Variants in XYLT1 observed in about 807,000 individuals in gnomAD.
The protein encoded by XYLT1 is xylosyltransferase 1, also known as beta-D-xylosyltransferase 1.
A neutral mutation model predicts 91.3 loss-of-function variants in XYLT1; 36 were observed. The observed-to-expected ratio is 0.39, with a 90% CI of 0.30 to 0.52. The LOEUF (loss-of-function observed/expected upper bound fraction) is 0.52. Ranked by LOEUF, XYLT1 falls within the 20% of genes least tolerant of loss-of-function variation. XYLT1 has a pLI of 0.68. For missense variants in XYLT1, 1,242 were observed against 1,284.5 expected (o/e 0.97, Z 0.51); for synonymous variants, 588 against 532.0 (o/e 1.11, Z -1.45).
intron 1 of XYLT1, among the ~76,000 whole-genome samples, chr16:17,420,643 A>C (rs2036239326): frequency 6.6e-6 from 1 of 151,782 alleles, no homozygotes; most frequent in South Asian, 2.1e-4. Flanking sequence ...ATTCTTTGTG[A>C]AGTTTAGCAC....
rs74010718 is a variant in XYLT1 at position 17,158,930 on chromosome 16, G to A, written c.1290-21C>T. 496 of 1,610,686 alleles carry A rather than the reference G, an allele frequency of 3.1e-4. 5 individuals are homozygous for A. The African/African-American group carries it at 5.8e-3, about 19-fold the overall frequency. The stretch of plus-strand genomic sequence containing the variant: ...TTGTCCTGTGGAAACAAACCAAGGG[G>A]AGAGTCAGGCCAGACACCGTGGGTA... On this transcript the variant is annotated intron_variant, in intron 5 of 11. Coordinates refer to ENST00000261381, the MANE Select transcript of XYLT1 (RefSeq NM_022166.4).
chr16:17,255,453 A>G (rs887742347), intron 3 of XYLT1, among the ~76,000 whole-genome samples: 1 of 152,174 alleles, frequency 6.6e-6, no homozygotes, highest in African/African-American at 2.4e-5. Context: ...GGCCCTTCAC[A>G]GAACAAATGT....
rs191704474 is a variant in XYLT1, at chr16:17,180,633, G to A, written c.1289+17579C>T. ...CCATAAGGGAACAACCACCATTGTG[G>A]GATTCCCCTTCACCCCCTACCATGG... On this transcript the variant is annotated intron_variant, in intron 5 of 11. Coordinates refer to ENST00000261381, the MANE Select transcript of XYLT1 (RefSeq NM_022166.4). Among the ~76,000 whole-genome samples the A allele has an allele frequency of 4.6e-5, 7 of 152,226 alleles. No homozygotes were observed. The East Asian group carries it at 1.4e-3, about 29-fold the overall frequency.
At position 17,379,761 on chromosome 16, in the gene XYLT1, T is replaced by TCACA. The variant is rs1466780792; in HGVS notation, c.364-21712_364-21711insTGTG. ...CTCTCTCTCTCTCTCTCTCTCTCTC[T>TCACA]CTCACACACACACACACACACACAC... On this transcript the variant is annotated intron_variant, in intron 1 of 11. Coordinates refer to ENST00000261381, the MANE Select transcript of XYLT1 (RefSeq NM_022166.4). Among the ~76,000 whole-genome samples the TCACA allele has an allele frequency of 5.8e-3, 681 of 117,588 alleles. 1 individual carries two copies. Among genetic ancestry groups the TCACA allele is most frequent in the Non-Finnish European group, 7.6e-3 (437 of 57,736 alleles). 77.1% of individuals were successfully genotyped at this position (117,588 alleles called of 152,430 possible).
intron 7 of XYLT1, among the ~76,000 whole-genome samples, chr16:17,139,329 C>G (rs2030890718): frequency 6.6e-6 from 1 of 152,146 alleles, no homozygotes; most frequent in Admixed American, 6.5e-5. Context: ...TTCTTCTAAA[C>G]CAGTCCTCTT....
At chr16:17,350,617 C>T (rs961689450) in intron 2 of XYLT1, among the ~76,000 whole-genome samples, 1 of 152,200 alleles carries the variant, frequency 6.6e-6, no homozygotes, top group African/African-American at 2.4e-5. Flanking sequence ...AGAGGTTCTT[C>T]TCCCATAAGG....
At chr16:17,223,048 A>G (rs1034633694) in intron 3 of XYLT1, among the ~76,000 whole-genome samples, 1 of 152,100 alleles carries the variant, frequency 6.6e-6, no homozygotes, top group African/African-American at 2.4e-5. Flanking sequence ...AAAAAAAAAA[A>G]AAAGAAAGGC....
At chr16:17,268,464 C>T (rs1341621871) in intron 2 of XYLT1, among the ~76,000 whole-genome samples, 1 of 152,078 alleles carries the variant, frequency 6.6e-6, no homozygotes, top group Non-Finnish European at 1.5e-5. Context: ...TGAGACTATA[C>T]AGCAATCCTG....
chr16:17,118,054 C>A, intron 10 of XYLT1, 75 bp from the exon 11 acceptor site: 3 of 1,451,162 alleles, frequency 2.1e-6, no homozygotes, highest in Non-Finnish European at 1.9e-6. Context: ...TCTAGGATCC[C>A]CTTTGTTAGC....
At chr16:17,440,180 G>A (rs1432045584) in intron 1 of XYLT1, among the ~76,000 whole-genome samples, 1 of 152,208 alleles carries the variant, frequency 6.6e-6, no homozygotes, top group African/African-American at 2.4e-5. Flanking sequence ...TAACAACTAC[G>A]TAAGTGAATT....
intron 2 of XYLT1, among the ~76,000 whole-genome samples, chr16:17,301,181 C>A (rs905425817): frequency 1.3e-5 from 2 of 151,962 alleles, no homozygotes; most frequent in Non-Finnish European, 2.9e-5. Flanking sequence ...GAGGCTGAGG[C>A]GGGTGGATTA....
At chr16:17,365,425 TA>T (rs959157344) in intron 1 of XYLT1, among the ~76,000 whole-genome samples, 3 of 152,094 alleles carry the variant, frequency 2.0e-5, no homozygotes, top group African/African-American at 7.2e-5. Context: ...CCTTGTTCTC[TA>T]AAAAAGACTG....
At chr16:17,315,538 T>TGGTTG (rs11403907) in intron 2 of XYLT1, among the ~76,000 whole-genome samples, 1 of 151,990 alleles carries the variant, frequency 6.6e-6, no homozygotes, top group African/African-American at 2.4e-5. Context: ...ATGTGTTGGT[T>TGGTTG]GTTGGTTTTG....
intron 2 of XYLT1, among the ~76,000 whole-genome samples, chr16:17,357,046 G>T (rs935792978): frequency 6.6e-6 from 1 of 151,522 alleles, no homozygotes; most frequent in Non-Finnish European, 1.5e-5. Context: ...GCGTGGCAGC[G>T]TGCGCCTGTA....
At chr16:17,405,447 C>T (rs1194003874) in intron 1 of XYLT1, among the ~76,000 whole-genome samples, 1 of 152,208 alleles carries the variant, frequency 6.6e-6, no homozygotes, top group Non-Finnish European at 1.5e-5. Flanking sequence ...ACACCCCACC[C>T]AAAGACGAGA....
At chr16:17,344,183 A>T (rs1267238087) in intron 2 of XYLT1, among the ~76,000 whole-genome samples, 1 of 152,112 alleles carries the variant, frequency 6.6e-6, no homozygotes, top group Non-Finnish European at 1.5e-5. Context: ...TGCAGAGAAC[A>T]GCCTCACAAC....
intron 3 of XYLT1, among the ~76,000 whole-genome samples, chr16:17,252,576 C>T (rs776502415): frequency 3.3e-5 from 5 of 152,108 alleles, no homozygotes; most frequent in Non-Finnish European, 7.4e-5. Flanking sequence ...CAGCTGTCAC[C>T]GAAAAGGGAT....
chr16:17,211,055 T>C (rs1349646139), intron 3 of XYLT1, among the ~76,000 whole-genome samples: 1 of 152,208 alleles, frequency 6.6e-6, no homozygotes, highest in Admixed American at 6.5e-5. Flanking sequence ...CTTATGGCCA[T>C]GATGCAAAAT....
intron 3 of XYLT1, among the ~76,000 whole-genome samples, chr16:17,256,650 A>G (rs1338011401): frequency 0.01 from 1,276 of 123,044 alleles, 16 homozygotes; most frequent in African/African-American, 0.044. Flanking sequence ...CTCCGTCTCG[A>G]AAAAAAAAAC....
Sources: allele counts gnomAD v4.1 joint callset (sites outside exome capture counted in the v4.1 genomes callset), GRCh38; gene constraint gnomAD v4.1.1; transcripts MANE v1.5; gene names NCBI Gene and HGNC (gene_info 2026-07-23, HGNC 2026-07-21).